Variants in CDH4 observed in about 807,000 individuals in gnomAD.
CDH4 encodes the protein cadherin-4.
In CDH4, 33 loss-of-function variants were observed where a neutral mutation model predicts 86.0. The ratio of observed to expected loss-of-function variants is 0.38; its 90% CI spans 0.29 to 0.51. The LOEUF (loss-of-function observed/expected upper bound fraction) is 0.51, where lower values mean the gene tolerates loss of function less well. Among genes scored for constraint, CDH4 ranks in the 20% least tolerant of loss-of-function variants. CDH4 has a pLI of 0.86. For synonymous variants in CDH4, 555 were observed against 549.4 expected (o/e 1.01, Z -0.14); for missense variants, 1,114 against 1,307.4 (o/e 0.85, Z 2.28).
At chr20:61,394,654 C>T (rs1255580311) in intron 2 of CDH4, among the ~76,000 whole-genome samples, 2 of 151,712 alleles carry the variant, frequency 1.3e-5, no homozygotes, top group African/African-American at 2.4e-5. Context: ...CAGATAAGTG[C>T]CATCTGAGCA....
At chr20:61,442,401 G>A (rs895214147) in intron 2 of CDH4, among the ~76,000 whole-genome samples, 1 of 132,744 alleles carries the variant, frequency 7.5e-6, no homozygotes, top group South Asian at 2.5e-4. Context: ...TCCCCATATC[G>A]CTTATGCTCA....
intron 2 of CDH4, among the ~76,000 whole-genome samples, chr20:61,614,522 C>A (rs916818828): frequency 3.3e-5 from 5 of 152,056 alleles, no homozygotes; most frequent in Non-Finnish European, 7.3e-5. Flanking sequence ...GTGGCCGGTG[C>A]GTGGGACTGG....
At chr20:61,587,597 C>T (rs1436956156) in intron 2 of CDH4, among the ~76,000 whole-genome samples, 16 of 151,940 alleles carry the variant, frequency 1.1e-4, no homozygotes, top group Non-Finnish European at 4.4e-5. Flanking sequence ...TCCATTTTGA[C>T]TCCGCTCCTT....
At chr20:61,930,369 G>T (rs1373900140) in intron 13 of CDH4, among the ~76,000 whole-genome samples, 1 of 152,198 alleles carries the variant, frequency 6.6e-6, no homozygotes, top group Non-Finnish European at 1.5e-5. Context: ...ACCACTGTGG[G>T]TTCCCAACAG....
chr20:61,492,781 A>G (rs2145590739), intron 2 of CDH4, among the ~76,000 whole-genome samples: 1 of 152,376 alleles, frequency 6.6e-6, no homozygotes, highest in East Asian at 1.9e-4. Flanking sequence ...GTACAGAATC[A>G]AAATATTAAA....
chr20:61,883,150 C>T (rs1172817984), intron 7 of CDH4, among the ~76,000 whole-genome samples: 1 of 147,124 alleles, frequency 6.8e-6, no homozygotes, highest in East Asian at 2.1e-4. Context: ...GCTCCCCCCG[C>T]CTACAGCATT....
rs574454085 is a variant in CDH4, at chr20:61,516,781, C to T, written c.170-226782C>T. Among the ~76,000 whole-genome samples, 77 of 152,274 alleles carry T rather than the reference C, an allele frequency of 5.1e-4. No individual in the cohort carries two copies. The highest frequency in any genetic ancestry group is 1.5e-3 in the South Asian group (7 of 4,820). On this transcript the variant is annotated intron_variant, in intron 2 of 15. Coordinates refer to ENST00000614565, the MANE Select transcript of CDH4 (RefSeq NM_001794.5). The surrounding 1 kb of genome is among the most constrained non-coding windows in gnomAD (Gnocchi z 4.0). ...GCTCCGTTCCCAGGTCAGTGAGTGTCGGTTTGGCGATCACACTTGCTTTCT... is the reference window on the plus strand; with the variant it reads ...GCTCCGTTCCCAGGTCAGTGAGTGTTGGTTTGGCGATCACACTTGCTTTCT...
chr20:61,695,523 C>A (rs2087706363), intron 2 of CDH4, among the ~76,000 whole-genome samples: 1 of 152,192 alleles, frequency 6.6e-6, no homozygotes, highest in Admixed American at 6.5e-5. Flanking sequence ...ACAGAGAGGG[C>A]ATGTCTCGCT....
At chr20:61,456,258 G>A (rs1402530678) in intron 2 of CDH4, among the ~76,000 whole-genome samples, 1 of 152,194 alleles carries the variant, frequency 6.6e-6, no homozygotes, top group Non-Finnish European at 1.5e-5. Context: ...GGCACAATGG[G>A]CCTCTCCACT....
At chr20:61,803,256 G>A (rs1020135674) in intron 4 of CDH4, among the ~76,000 whole-genome samples, 10 of 152,152 alleles carry the variant, frequency 6.6e-5, no homozygotes, top group South Asian at 2.1e-4. Flanking sequence ...CTCCACGCTC[G>A]GCACAATCCG....
At chr20:61,612,835 G>C (rs939538593) in intron 2 of CDH4, among the ~76,000 whole-genome samples, 2 of 152,136 alleles carry the variant, frequency 1.3e-5, no homozygotes, top group African/African-American at 4.8e-5. Context: ...TTGGTGTGAG[G>C]TAGGGATTGC....
chr20:61,319,623 A>G (rs2084496997), intron 2 of CDH4, among the ~76,000 whole-genome samples: 1 of 152,052 alleles, frequency 6.6e-6, no homozygotes, highest in Non-Finnish European at 1.5e-5. Flanking sequence ...GTCACTATTC[A>G]AGGGATATAA....
At chr20:61,524,897 C>A (rs956499756) in intron 2 of CDH4, among the ~76,000 whole-genome samples, 22 of 152,244 alleles carry the variant, frequency 1.4e-4, no homozygotes, top group African/African-American at 5.1e-4. Context: ...TGAACAAAAG[C>A]CAGAATCTCA....
At chr20:61,277,829 C>CT (rs1044564318) in intron 2 of CDH4, among the ~76,000 whole-genome samples, 1 of 152,212 alleles carries the variant, frequency 6.6e-6, no homozygotes, top group Non-Finnish European at 1.5e-5. Context: ...ACGGCCTCCG[C>CT]TTTCCTGTGC....
intron 2 of CDH4, among the ~76,000 whole-genome samples, chr20:61,464,798 G>T (rs370886688): frequency 1.1e-4 from 17 of 152,286 alleles, no homozygotes; most frequent in African/African-American, 4.1e-4. Context: ...CATCCACTGG[G>T]GGGTGGAGGG....
chr20:61,921,376 A>G (rs935318948), intron 9 of CDH4, among the ~76,000 whole-genome samples: 2 of 152,264 alleles, frequency 1.3e-5, no homozygotes, highest in Admixed American at 1.3e-4. Context: ...GGCAATCTGC[A>G]CTTTTTGCAG....
At position 61,923,434 on chromosome 20, in the gene CDH4, C is replaced by G. The variant is rs1568890186; in HGVS notation, c.1375-17C>G. The stretch of plus-strand genomic sequence containing the variant: ...GAGCTGTGCCAGGTCACTCCCAGCC[C>G]TGATCTGTTGTTCCAGGCAGTCGAC... On this transcript the variant is annotated splice_polypyrimidine_tract_variant and intron_variant, in intron 9 of 15. Coordinates refer to ENST00000614565, the MANE Select transcript of CDH4 (RefSeq NM_001794.5). 3 of 1,613,554 alleles carry G rather than the reference C, an allele frequency of 1.9e-6. No homozygotes were observed. The South Asian group carries it at 3.3e-5, about 18-fold the overall frequency.
intron 2 of CDH4, among the ~76,000 whole-genome samples, chr20:61,477,760 ACCT>A (rs1237067868): frequency 6.6e-6 from 1 of 152,024 alleles, no homozygotes; most frequent in East Asian, 1.9e-4. Context: ...AGGGAGAATG[ACCT>A]CCTCTTGGAA....
At chr20:61,888,874 C>G (rs1222214427) in intron 7 of CDH4, among the ~76,000 whole-genome samples, 4 of 151,972 alleles carry the variant, frequency 2.6e-5, no homozygotes, top group Non-Finnish European at 5.9e-5. Flanking sequence ...ACTGCCTGGC[C>G]CTCACTGGAC....
Sources: allele counts gnomAD v4.1 joint callset (sites outside exome capture counted in the v4.1 genomes callset), GRCh38; gene constraint gnomAD v4.1.1; non-coding constraint Gnocchi (gnomAD v3.1); transcripts MANE v1.5; gene names NCBI Gene and HGNC (gene_info 2026-07-23, HGNC 2026-07-21).